The following PXDNL variants were observed in gnomAD, a reference collection of about 807,000 sequenced individuals.
The protein encoded by PXDNL is peroxidasin like.
PXDNL carries 145 observed loss-of-function variants against 150.8 expected under a neutral mutation model. The observed-to-expected ratio is 0.96, with a 90% confidence interval of 0.84 to 1.10. The LOEUF is 1.10. Among genes scored for constraint, PXDNL ranks in the 50% least tolerant of loss-of-function variants. PXDNL has a pLI of 0.00. For synonymous variants in PXDNL, 757 were observed against 725.7 expected, an observed-to-expected ratio of 1.04 and a Z score of -0.69; for missense variants, 2,087 against 1,873.9, an observed-to-expected ratio of 1.11 and a Z score of -2.10.
chr8:51,714,091 AC>A (rs1240660709), intron 1 of PXDNL, among the ~76,000 whole-genome samples: 2 of 152,142 alleles, frequency 1.3e-5, no homozygotes, highest in Non-Finnish European at 2.9e-5. Flanking sequence ...ATTGAGTTCA[AC>A]TCCTTTCTAA....
chr8:51,447,329 C>T (rs1327779570), intron 11 of PXDNL, among the ~76,000 whole-genome samples, 167 bp from the exon 12 acceptor site: 2 of 151,982 alleles, frequency 1.3e-5, no homozygotes. Context: ...ACACAGCACC[C>T]CCATGCCGCT....
chr8:51,728,539 G>A (rs1816860994), intron 1 of PXDNL, among the ~76,000 whole-genome samples: 1 of 151,876 alleles, frequency 6.6e-6, no homozygotes, highest in Admixed American at 6.6e-5. Context: ...GCAGGCCTAG[G>A]CGAATGTGTG....
intron 19 of PXDNL, among the ~76,000 whole-genome samples, chr8:51,357,806 T>C (rs1806561961): frequency 6.6e-6 from 1 of 152,178 alleles, no homozygotes; most frequent in South Asian, 2.1e-4. Context: ...AGGTAAGAAA[T>C]ATAACAGATT....
intron 12 of PXDNL, among the ~76,000 whole-genome samples, chr8:51,429,692 T>C (rs1469513302): frequency 6.7e-6 from 1 of 149,626 alleles, no homozygotes. Context: ...CCTTTCTTTT[T>C]TTTTTTTTTT....
chr8:51,558,032 A>G (rs1427255766), intron 3 of PXDNL, among the ~76,000 whole-genome samples: 5 of 152,144 alleles, frequency 3.3e-5, no homozygotes, highest in African/African-American at 1.2e-4. Flanking sequence ...AAATATAGCT[A>G]TGTGTTAGAA....
At chr8:51,537,353 T>G (rs1301560051) in intron 4 of PXDNL, among the ~76,000 whole-genome samples, 1 of 152,196 alleles carries the variant, frequency 6.6e-6, no homozygotes, top group Non-Finnish European at 1.5e-5. Context: ...CCTATCCTCT[T>G]AAAACATGAC....
chr8:51,319,888 T>C lies in PXDNL; in HGVS notation c.*3A>G. On this transcript the variant is annotated 3_prime_UTR_variant, in exon 23 of 23. Coordinates refer to ENST00000356297, the MANE Select transcript of PXDNL (RefSeq NM_144651.5). The stretch of plus-strand genomic sequence containing the variant: ...TTTGGGGCTCAACAGCACAAAACTT[T>C]TATTAGCGCTTCTCTGGGGAATCAC... 6.6e-7 allele frequency: 1 copy of C among 1,511,748 alleles called. No individual in the cohort carries two copies. 93.6% of individuals were successfully genotyped at this position (1,511,748 alleles called of 1,614,324 possible).
In PXDNL at chr8:51,660,012, CCT is replaced by C. The variant is rs554476215; in HGVS notation, c.165-5254_165-5253del. On this transcript the variant is annotated intron_variant, in intron 1 of 22. Transcript: ENST00000356297. ...TCAAGCGATTCTCCTGCCTTAGCCC[CCT>C]GAGTAGCTGGGATTGCAGGCGCCCA... Among the ~76,000 whole-genome samples, 241 of 151,940 alleles carry C rather than the reference CCT, an allele frequency of 1.6e-3. 1 individual carries two copies. Among genetic ancestry groups the C allele is most frequent in the African/African-American group, 5.4e-3 (224 of 41,440 alleles).
At chr8:51,561,169 G>T (rs1402452936) in intron 3 of PXDNL, among the ~76,000 whole-genome samples, 1 of 151,832 alleles carries the variant, frequency 6.6e-6, no homozygotes, top group Non-Finnish European at 1.5e-5. Flanking sequence ...AATGTAAATT[G>T]GTACAGCCAC....
At chr8:51,636,331 T>C (rs185471828) in intron 2 of PXDNL, among the ~76,000 whole-genome samples, 162 of 152,244 alleles carry the variant, frequency 1.1e-3, no homozygotes, top group African/African-American at 3.7e-3. Context: ...TAACGCTATA[T>C]TGGAAGTTCT....
intron 12 of PXDNL, chr8:51,435,458 T>C (rs538826011): frequency 6.5e-6 from 1 of 153,856 alleles, no homozygotes; most frequent in African/African-American, 2.4e-5. Context: ...AAGGTATCGT[T>C]GCAGCCTGGT....
chr8:51,749,026 A>G (rs2037015170), intron 1 of PXDNL, among the ~76,000 whole-genome samples: 3 of 152,250 alleles, frequency 2.0e-5, no homozygotes, highest in Admixed American at 2.0e-4. Flanking sequence ...GGATAAATTT[A>G]GCCAAAACCT....
At chr8:51,583,782 G>C (rs994959836) in intron 3 of PXDNL, among the ~76,000 whole-genome samples, 1 of 152,042 alleles carries the variant, frequency 6.6e-6, no homozygotes, top group African/African-American at 2.4e-5. Flanking sequence ...TTGGATGGAT[G>C]GACAGATGGA....
At chr8:51,392,884 A>C (rs554775407) in intron 17 of PXDNL, among the ~76,000 whole-genome samples, 1 of 152,190 alleles carries the variant, frequency 6.6e-6, no homozygotes, top group Non-Finnish European at 1.5e-5. Context: ...GATTGGCATA[A>C]AAATTAATAT....
At chr8:51,396,190 C>T (rs965112024) in intron 17 of PXDNL, among the ~76,000 whole-genome samples, 1 of 152,204 alleles carries the variant, frequency 6.6e-6, no homozygotes, top group African/African-American at 2.4e-5. Context: ...AATTTGACTG[C>T]AGATTCATGT....
rs1176377930 is a variant in PXDNL, at chr8:51,396,168, A to AT, written c.3557+11898_3557+11899insA. On this transcript the variant is annotated intron_variant, in intron 17 of 22. Coordinates refer to ENST00000356297, the MANE Select transcript of PXDNL (RefSeq NM_144651.5). Reference sequence around the variant, plus strand: ...CTGCGAGAAGAAAGGGATGGGCTAGACGGGGAATGGGAATTTGACTGCAGA... The same window carrying AT: ...CTGCGAGAAGAAAGGGATGGGCTAGATCGGGGAATGGGAATTTGACTGCAGA... Among the ~76,000 whole-genome samples the AT allele has an allele frequency of 9.6e-4, 145 of 151,718 alleles. 1 individual carries two copies. The highest frequency in any genetic ancestry group is 3.4e-3 in the African/African-American group (140 of 41,000).
At chr8:51,798,295 C>T (rs1486937655) in intron 1 of PXDNL, among the ~76,000 whole-genome samples, 1 of 152,122 alleles carries the variant, frequency 6.6e-6, no homozygotes, top group African/African-American at 2.4e-5. Context: ...ATGATGAAAA[C>T]ATCAAAAGCA....
At chr8:51,380,726 T>C (rs1032519023) in intron 17 of PXDNL, among the ~76,000 whole-genome samples, 1 of 152,226 alleles carries the variant, frequency 6.6e-6, no homozygotes, top group Non-Finnish European at 1.5e-5. Flanking sequence ...CTATTCATGT[T>C]TTTAAATGGA....
intron 1 of PXDNL, among the ~76,000 whole-genome samples, chr8:51,755,492 C>G (rs1330361198): frequency 6.6e-6 from 1 of 151,976 alleles, no homozygotes; most frequent in African/African-American, 2.4e-5. Flanking sequence ...ATGGATTTTG[C>G]CATGTTGCAG....
Sources: gnomAD v4.1 joint callset for allele counts (sites outside exome capture counted in the v4.1 genomes callset) on GRCh38, gnomAD v4.1.1 for gene constraint, MANE v1.5 for transcripts, NCBI Gene and HGNC (gene_info 2026-07-23, HGNC 2026-07-21) for gene names.